GPR35: variants seen among roughly 807,000 people sequenced by gnomAD.
GPR35 encodes KYNA receptor.
For synonymous variants in GPR35, 207 were observed against 198.4 expected (o/e 1.04, Z -0.36); for missense variants, 372 against 422.5 (o/e 0.88, Z 1.05).
intron 2 of GPR35, among the ~76,000 whole-genome samples, chr2:240,614,943 T>C (rs2043224531): frequency 6.6e-6 from 1 of 152,164 alleles, no homozygotes; most frequent in Non-Finnish European, 1.5e-5. Flanking sequence ...TGCTTGTGTG[T>C]ATGCATGTTT....
chr2:240,629,622 C>T (rs2975784), intron 1 of GPR35: 46,986 of 253,360 alleles, frequency 0.19, 5,342 homozygotes, highest in East Asian at 0.34. Flanking sequence ...CCAGGATTTG[C>T]GCTCTGGAGG....
exon 4 of GPR35, chr2:240,617,092 A>G: frequency 2.8e-6 from 2 of 702,574 alleles, no homozygotes; most frequent in Non-Finnish European, 5.2e-6. Context: ...ACCAACAGCC[A>G]CCTGGGGGAG....
Position 240,631,978 on chromosome 2 carries a change from C to G in GPR35, c.*1096C>G, listed in dbSNP as rs146366566. ...GATGGCATCTCACAGGACCCAGGCT[C>G]CGGAGGGCCCATGCCCAGGAGAGCC... On this transcript the variant is annotated 3_prime_UTR_variant, in exon 2 of 2. Coordinates refer to ENST00000407714, the MANE Select transcript of GPR35 (RefSeq NM_005301.5). 0.011 allele frequency among the ~76,000 whole-genome samples: 1,588 copies of G among 145,562 alleles called. 11 individuals carry two copies. The highest frequency in any genetic ancestry group is 0.028 in the Middle Eastern group (8 of 284).
intron 2 of GPR35, among the ~76,000 whole-genome samples, chr2:240,613,811 C>A (rs1464692814): frequency 1.3e-5 from 2 of 151,520 alleles, no homozygotes; most frequent in Non-Finnish European, 2.9e-5. Context: ...AACCTTAACC[C>A]TAACCATAAC....
chr2:240,628,085 G>A (rs1575469616), intron 1 of GPR35: 1 of 152,584 alleles, frequency 6.6e-6, no homozygotes, highest in Admixed American at 6.5e-5. Flanking sequence ...AAGTACTCAG[G>A]TGGGGAGAGT....
chr2:240,624,074 C>G (rs1189781170), upstream of GPR35, among the ~76,000 whole-genome samples: 1 of 152,078 alleles, frequency 6.6e-6, no homozygotes, highest in Non-Finnish European at 1.5e-5. Context: ...GCTTGGGGCA[C>G]CATCTGATCT....
exon 4 of GPR35, chr2:240,617,287 A>C: frequency 2.8e-6 from 2 of 712,140 alleles, no homozygotes; most frequent in Admixed American, 4.0e-5. Flanking sequence ...TGGATTGCAG[A>C]CTCATGAAAG....
chr2:240,615,993 T>C (rs1485469134), intron 2 of GPR35, among the ~76,000 whole-genome samples: 1 of 152,156 alleles, frequency 6.6e-6, no homozygotes, highest in African/African-American at 2.4e-5. Flanking sequence ...ACCGCAGTTG[T>C]TGCCAGCAGG....
chr2:240,630,267 C>G lies in GPR35; in HGVS notation c.315C>G (p.Ser105Arg). The change falls in exon 2 of 2, where the codon AGC (serine) becomes AGG (arginine). Residue 105 changes from serine (S) to arginine (R), a missense_variant. By Grantham distance (110) the Ser-to-Arg change is moderately radical (BLOSUM62 -1). Transcript: ENST00000407714. Reference protein sequence around the residue: ...IYLTNRYMSISLVTAIAVDRY... With the variant: ...IYLTNRYMSIRLVTAIAVDRY... ...TGACCAACAGGTACATGAGCATCAG[C>G]CTGGTCACGGCCATCGCCGTGGACC... is the stretch of plus-strand genomic sequence containing the variant. The G allele has an allele frequency of 1.3e-6, 2 of 1,564,722 alleles. No individual in the cohort carries two copies. The highest frequency in any genetic ancestry group is 1.7e-6 in the Non-Finnish European group (2 of 1,159,134).
At chr2:240,622,792 TA>T (rs2043311113), upstream of GPR35, among the ~76,000 whole-genome samples, 1 of 151,978 alleles carries the variant, frequency 6.6e-6, no homozygotes, top group South Asian at 2.1e-4. Context: ...TGCAGGGGGC[TA>T]ACCTTGGGGG....
intron 3 of GPR35, chr2:240,616,980 C>T (rs1218528924): frequency 1.3e-6 from 1 of 770,830 alleles, no homozygotes; most frequent in African/African-American, 1.7e-5. Flanking sequence ...CAACAGCCAC[C>T]TGGGGGAGCT....
At chr2:240,609,096 G>A (rs905690341) in intron 2 of GPR35, among the ~76,000 whole-genome samples, 1 of 151,934 alleles carries the variant, frequency 6.6e-6, no homozygotes, top group African/African-American at 2.4e-5. Context: ...CCTGATATTA[G>A]TAATTTGTGG....
At chr2:240,616,006 C>G (rs559883654) in intron 2 of GPR35, among the ~76,000 whole-genome samples, 2 of 152,196 alleles carry the variant, frequency 1.3e-5, no homozygotes, top group Non-Finnish European at 2.9e-5. Context: ...CCAGCAGGCC[C>G]CACAGGAGAA....
intron 1 of GPR35, chr2:240,629,192 T>C (rs556332243): frequency 6.6e-6 from 1 of 152,508 alleles, no homozygotes; most frequent in Non-Finnish European, 1.5e-5. Flanking sequence ...GCTCCACCCC[T>C]GGGCGGCCCC....
At chr2:240,623,462 T>TGCAAACAGGTCATGAGGGC (rs2043329817), upstream of GPR35, among the ~76,000 whole-genome samples, 1 of 29,302 alleles carries the variant, frequency 3.4e-5, no homozygotes, top group Non-Finnish European at 6.5e-5. Flanking sequence ...GTCGTGAGGG[T>TGCAAACAGGTCATGAGGGC]GCAAACAGGT....
intron 2 of GPR35, among the ~76,000 whole-genome samples, chr2:240,614,407 C>T (rs572805769): frequency 9.2e-5 from 14 of 152,352 alleles, no homozygotes; most frequent in Admixed American, 2.0e-4. Context: ...TCACCTTAAC[C>T]GTCACCTTCA....
intron 2 of GPR35, among the ~76,000 whole-genome samples, chr2:240,608,799 A>T (rs1485016254): frequency 1.3e-5 from 2 of 152,112 alleles, no homozygotes; most frequent in Admixed American, 6.5e-5. Context: ...TGTGGTTAAG[A>T]TTGGTATTAT....
In GPR35 at chr2:240,631,824, G is replaced by C. The variant is rs1015033513; in HGVS notation, c.*942G>C. ...TGTGAGTGTGGGCCAGCACGGCCTG[G>C]GCTCAAACCCCATCCTGTCATCCCA... On this transcript the variant is annotated 3_prime_UTR_variant, in exon 2 of 2. Coordinates refer to ENST00000407714, the MANE Select transcript of GPR35 (RefSeq NM_005301.5). 6.6e-6 allele frequency among the ~76,000 whole-genome samples: 1 copy of C among 152,206 alleles called. No individual in the cohort carries two copies. The highest frequency in any genetic ancestry group is 2.4e-5 in the African/African-American group (1 of 41,468).
rs1221912659 is a variant in GPR35 at position 240,630,614 on chromosome 2, C to T, written c.662C>T (p.Ala221Val). Residue 221 changes from alanine (A) to valine (V), a missense_variant, in exon 2 of 2, where the codon GCC becomes GTC. Coordinates refer to ENST00000407714, the MANE Select transcript of GPR35 (RefSeq NM_005301.5). Reference sequence around the variant, plus strand: ...CGCAAGGCTGCCCGCATGGTCTGGGCCAACCTCCTGGTGTTCGTGGTCTGC... The same window carrying T: ...CGCAAGGCTGCCCGCATGGTCTGGGTCAACCTCCTGGTGTTCGTGGTCTGC... ...ATRKAARMVW[A>V]NLLVFVVCFL... 1 of 1,612,846 alleles carries T rather than the reference C, an allele frequency of 6.2e-7. No individual in the cohort carries two copies. Among genetic ancestry groups the T allele is most frequent in the South Asian group, 1.1e-5 (1 of 91,088 alleles).
Sources: allele counts gnomAD v4.1 joint callset (sites outside exome capture counted in the v4.1 genomes callset), GRCh38; gene constraint gnomAD v4.1.1; transcripts MANE v1.5; gene names NCBI Gene and HGNC (gene_info 2026-07-23, HGNC 2026-07-21).